Variants in SYCP1 observed in about 807,000 individuals in gnomAD.
The protein encoded by SYCP1 is synaptonemal complex protein 1.
Under a neutral mutation model 153.1 loss-of-function variants are expected in SYCP1, and 64 were observed. That is an observed-to-expected ratio of 0.42 (90% CI 0.34 to 0.51). The LOEUF (loss-of-function observed/expected upper bound fraction) is 0.51, where lower values mean the gene tolerates loss of function less well. SYCP1 is among the 20% of genes least tolerant of loss of function. The pLI, the probability that SYCP1 is intolerant of heterozygous loss-of-function variation, is 0.06. For synonymous variants in SYCP1, 384 were observed against 341.8 expected (o/e 1.12, Z -1.36); for missense variants, 997 against 1,049.0 (o/e 0.95, Z 0.68).
At chr1:114,919,488 C>T (rs576090046) in intron 20 of SYCP1, among the ~76,000 whole-genome samples, 1 of 151,914 alleles carries the variant, frequency 6.6e-6, no homozygotes, top group Non-Finnish European at 1.5e-5. Flanking sequence ...CTTTATTTGG[C>T]TTTGGTATCA....
At chr1:114,927,079 G>A (rs1190105021) in intron 23 of SYCP1, among the ~76,000 whole-genome samples, 1 of 151,930 alleles carries the variant, frequency 6.6e-6, no homozygotes, top group Non-Finnish European at 1.5e-5. Context: ...AATAGTTTTT[G>A]AATTATGAAT....
chr1:114,943,354 T>C (rs1174267859), intron 23 of SYCP1, among the ~76,000 whole-genome samples: 3 of 151,888 alleles, frequency 2.0e-5, no homozygotes, highest in Non-Finnish European at 2.9e-5. Context: ...CTCAGTGCCC[T>C]GAACAATTGA....
intron 27 of SYCP1, among the ~76,000 whole-genome samples, chr1:114,950,920 G>A (rs1014866922): frequency 6.6e-6 from 1 of 151,522 alleles, no homozygotes; most frequent in African/African-American, 2.4e-5. Flanking sequence ...CACCTCCCGG[G>A]TTCACGCCAT....
chr1:114,857,136 C>CAAAAAAAAAAAAAAAAAAAAAAAAAAAA (rs71582509), intron 3 of SYCP1, 96 bp from the exon 4 acceptor site: 33 of 245,196 alleles, frequency 1.3e-4, no homozygotes, highest in African/African-American at 3.0e-4. Flanking sequence ...CTCTCTCTCT[C>CAAAAAAAAAAAAAAAAAAAAAAAAAAAA]AAAAAAAAAA....
intron 16 of SYCP1, among the ~76,000 whole-genome samples, chr1:114,909,540 ATATGTATT>A (rs2101663753): frequency 7.2e-6 from 1 of 138,674 alleles, no homozygotes; most frequent in East Asian, 2.1e-4. Flanking sequence ...ACACACGTTT[ATATGTATT>A]TATGTATTTT....
chr1:114,975,925 C>T (rs936589552), intron 27 of SYCP1, among the ~76,000 whole-genome samples: 1 of 151,622 alleles, frequency 6.6e-6, no homozygotes, highest in African/African-American at 2.4e-5. Flanking sequence ...TGAGTTTGTT[C>T]AAACTATATT....
intron 23 of SYCP1, among the ~76,000 whole-genome samples, chr1:114,934,861 C>T (rs1461067811): frequency 6.6e-6 from 1 of 152,138 alleles, no homozygotes; most frequent in Non-Finnish European, 1.5e-5. Flanking sequence ...AGCTAACCAT[C>T]CTAAATATAT....
intron 16 of SYCP1, among the ~76,000 whole-genome samples, chr1:114,909,262 C>A (rs1668019991): frequency 6.6e-6 from 1 of 152,066 alleles, no homozygotes; most frequent in South Asian, 2.1e-4. Context: ...GTTCCTCTAG[C>A]AAGAGAGATG....
chr1:114,878,032 A>G, intron 11 of SYCP1, 62 bp from the exon 12 acceptor site: 1 of 950,214 alleles, frequency 1.1e-6, no homozygotes, highest in Non-Finnish European at 1.6e-6. Context: ...TGTAGGTATT[A>G]TAAATGTTAA....
At position 114,913,013 on chromosome 1, in the gene SYCP1, CT is replaced by C. The variant is rs200368852; in HGVS notation, c.1530-10del. ...TACATTTGTAAATATTTTGGTATGA[CT>C]TTTTTTTTTAAAAAATAGGCTTAAG... On this transcript the variant is annotated intron_variant, in intron 18 of 31. Coordinates refer to ENST00000369522, the MANE Select transcript of SYCP1 (RefSeq NM_003176.4). 3.5e-3 allele frequency: 4,714 copies of C among 1,362,428 alleles called. No individual in the cohort carries two copies. Among genetic ancestry groups the C allele is most frequent in the South Asian group, 5.2e-3 (375 of 72,758 alleles). 84.4% of individuals were successfully genotyped at this position (1,362,428 alleles called of 1,614,324 possible).
chr1:114,958,307 T>C (rs1470786554), intron 27 of SYCP1, among the ~76,000 whole-genome samples: 1 of 151,836 alleles, frequency 6.6e-6, no homozygotes. Context: ...GAGGGAGGGA[T>C]GAAGAGGGAT....
At position 114,938,467 on chromosome 1, in the gene SYCP1, C is replaced by T. The variant is rs556503306; in HGVS notation, c.1927-5872C>T. ...AATGTAAATGACGAGTTAACAGGTA[C>T]AGCACACCAACATGGCACATGTATA... On this transcript the variant is annotated intron_variant, in intron 23 of 31. Transcript: ENST00000369522. 2.6e-5 allele frequency among the ~76,000 whole-genome samples: 4 copies of T among 151,994 alleles called. No homozygotes were observed. The South Asian group carries it at 6.2e-4, about 24-fold the overall frequency.
At chr1:114,897,876 A>G (rs1024270410) in intron 16 of SYCP1, among the ~76,000 whole-genome samples, 2 of 152,128 alleles carry the variant, frequency 1.3e-5, no homozygotes, top group Non-Finnish European at 2.9e-5. Context: ...GACAGGTACC[A>G]CCCATTGGTG....
intron 21 of SYCP1, among the ~76,000 whole-genome samples, chr1:114,925,841 T>C (rs1460671301): frequency 1.3e-5 from 2 of 152,168 alleles, no homozygotes; most frequent in Non-Finnish European, 2.9e-5. Flanking sequence ...TGAAAATGAT[T>C]TTTTTAACTG....
chr1:114,897,806 G>C (rs1349905735), intron 16 of SYCP1, among the ~76,000 whole-genome samples: 1 of 152,194 alleles, frequency 6.6e-6, no homozygotes, highest in African/African-American at 2.4e-5. Flanking sequence ...GTGAGGGAGG[G>C]AAAGTGAGGC....
At chr1:114,918,320 G>C (rs1668643131) in intron 20 of SYCP1, among the ~76,000 whole-genome samples, 1 of 152,048 alleles carries the variant, frequency 6.6e-6, no homozygotes, top group South Asian at 2.1e-4. Context: ...ATTTGTTTGT[G>C]AGTTCTCTGT....
At chr1:114,937,666 C>T (rs924664827) in intron 23 of SYCP1, among the ~76,000 whole-genome samples, 1 of 152,070 alleles carries the variant, frequency 6.6e-6, no homozygotes, top group Non-Finnish European at 1.5e-5. Flanking sequence ...GGCTAATATC[C>T]AGAATCTACA....
intron 8 of SYCP1, among the ~76,000 whole-genome samples, chr1:114,871,723 C>T (rs1026661188): frequency 1.3e-5 from 2 of 151,402 alleles, no homozygotes; most frequent in Non-Finnish European, 2.9e-5. Flanking sequence ...CAGGCGTGTG[C>T]CAATTTTTTT....
At chr1:114,910,944 G>A (rs1490852474) in intron 17 of SYCP1, among the ~76,000 whole-genome samples, 1 of 151,878 alleles carries the variant, frequency 6.6e-6, no homozygotes, top group African/African-American at 2.4e-5. Context: ...TTCTTAATTG[G>A]TACATTTGAA....
Sources: gnomAD v4.1 joint callset for allele counts (sites outside exome capture counted in the v4.1 genomes callset) on GRCh38, gnomAD v4.1.1 for gene constraint, MANE v1.5 for transcripts, NCBI Gene and HGNC (gene_info 2026-07-23, HGNC 2026-07-21) for gene names.